The following EPB41L4A variants were observed in gnomAD, a reference collection of about 807,000 sequenced individuals.
The protein encoded by EPB41L4A is band 4.1-like protein 4A.
EPB41L4A carries 100 observed loss-of-function variants against 108.6 expected under a neutral mutation model. That is an observed-to-expected ratio of 0.92 (90% CI 0.78 to 1.09). The LOEUF (loss-of-function observed/expected upper bound fraction) is 1.09. Ranked by LOEUF, EPB41L4A falls within the 50% of genes least tolerant of loss-of-function variation. The pLI is 0.00. For synonymous variants in EPB41L4A, 319 were observed against 289.0 expected, an observed-to-expected ratio of 1.10 and a Z score of -1.05; for missense variants, 1,030 against 842.7, an observed-to-expected ratio of 1.22 and a Z score of -2.75.
At chr5:112,307,536 C>T in intron 1 of EPB41L4A, 46 bp from the exon 2 acceptor site, 2 of 1,260,348 alleles carry the variant, frequency 1.6e-6, no homozygotes, top group Non-Finnish European at 2.3e-6. Context: ...CCCTTTTGTT[C>T]CTAAGTAGTA....
chr5:112,148,221 AG>A (rs1321751936), intron 12 of EPB41L4A, among the ~76,000 whole-genome samples: 1,002 of 137,130 alleles, frequency 7.3e-3, no homozygotes, highest in African/African-American at 0.027. Context: ...AATATAGTTT[AG>A]TAGTATTACT....
At chr5:112,221,237 G>A (rs1023491755) in intron 12 of EPB41L4A, among the ~76,000 whole-genome samples, 1 of 152,162 alleles carries the variant, frequency 6.6e-6, no homozygotes, top group African/African-American at 2.4e-5. Flanking sequence ...ATCATGGACT[G>A]CCTCTAGCCA....
rs192822252 is a variant in EPB41L4A, at chr5:112,395,855, T to A, written c.99+23086A>T. Among the ~76,000 whole-genome samples, 3 of 152,282 alleles carry A rather than the reference T, an allele frequency of 2.0e-5. No individual in the cohort carries two copies. In the East Asian group the frequency reaches 5.8e-4, roughly 29 times the overall value. ...GACTTGGAACCAACCCAAATGTCCA[T>A]CAATGATAGACTGGATTAAGAAAAT... On this transcript the variant is annotated intron_variant, in intron 1 of 22. Transcript: ENST00000261486.
chr5:112,263,600 T>A (rs1362967709), intron 6 of EPB41L4A: 1 of 152,176 alleles, frequency 6.6e-6, no homozygotes, highest in Non-Finnish European at 1.5e-5. Context: ...CCCTTCCTAA[T>A]GTTATAACAA....
intron 2 of EPB41L4A, among the ~76,000 whole-genome samples, chr5:112,283,868 A>G (rs1233344851): frequency 6.6e-6 from 1 of 152,240 alleles, no homozygotes; most frequent in Non-Finnish European, 1.5e-5. Context: ...AAAATCATGT[A>G]CAAGGAAAAT....
intron 1 of EPB41L4A, among the ~76,000 whole-genome samples, chr5:112,364,671 T>C (rs1265494944): frequency 6.6e-6 from 1 of 152,230 alleles, no homozygotes; most frequent in Non-Finnish European, 1.5e-5. Context: ...TTATCTGATT[T>C]CTTTAAAAGG....
intron 16 of EPB41L4A, among the ~76,000 whole-genome samples, chr5:112,194,942 A>G (rs1018692558): frequency 7.2e-5 from 11 of 152,204 alleles, no homozygotes; most frequent in African/African-American, 2.7e-4. Context: ...GAACTCTGAC[A>G]TGGCAAAGCC....
Position 112,145,812 on chromosome 5 carries a change from TTCC to T in EPB41L4A, n.1112+66_1112+68del, listed in dbSNP as rs532038756. On this transcript the variant is annotated intron_variant and non_coding_transcript_variant, in intron 13 of 13. Transcript: ENST00000507810. ...AAGGCCAAGAACAACCCTAGACACA[TTCC>T]TCCATTTGATATCAATCTATTAAAT... 6.5e-4 allele frequency: 272 copies of T among 418,242 alleles called. 1 individual carries two copies. The highest frequency in any genetic ancestry group is 5.2e-3 in the African/African-American group (253 of 48,788). 25.9% of individuals were successfully genotyped at this position (418,242 alleles called of 1,614,324 possible).
intron 1 of EPB41L4A, among the ~76,000 whole-genome samples, chr5:112,374,962 T>C (rs1561620167): frequency 6.6e-6 from 1 of 152,164 alleles, no homozygotes; most frequent in South Asian, 2.1e-4. Flanking sequence ...AGGTTCTCTT[T>C]GTCTGCAGAG....
chr5:112,363,814 A>G (rs893157979), intron 1 of EPB41L4A: 3 of 152,226 alleles, frequency 2.0e-5, no homozygotes, highest in Non-Finnish European at 4.4e-5. Flanking sequence ...AGCGGTTTCT[A>G]TTAAAACTGT....
intron 18 of EPB41L4A, among the ~76,000 whole-genome samples, chr5:112,173,085 T>C (rs530630087): frequency 3.3e-5 from 5 of 152,344 alleles, no homozygotes; most frequent in African/African-American, 1.2e-4. Flanking sequence ...GGGTATGACC[T>C]AGGAATTAAG....
At chr5:112,279,880 A>G (rs1401064283) in intron 3 of EPB41L4A, among the ~76,000 whole-genome samples, 1 of 152,190 alleles carries the variant, frequency 6.6e-6, no homozygotes, top group East Asian at 1.9e-4. Flanking sequence ...AAACCATGCC[A>G]TAACCCAAGA....
intron 2 of EPB41L4A, among the ~76,000 whole-genome samples, chr5:112,281,092 C>G (rs2150508095): frequency 6.6e-6 from 1 of 152,306 alleles, no homozygotes; most frequent in South Asian, 2.1e-4. Flanking sequence ...CAACTGGACA[C>G]CACTGGACCT....
intron 3 of EPB41L4A, among the ~76,000 whole-genome samples, chr5:112,277,196 G>T (rs1207861362): frequency 6.6e-6 from 1 of 152,162 alleles, no homozygotes; most frequent in Non-Finnish European, 1.5e-5. Flanking sequence ...GTACCTAGGG[G>T]GCGGGGAGGA....
At chr5:112,311,087 C>A (rs1005708144) in intron 1 of EPB41L4A, among the ~76,000 whole-genome samples, 2 of 152,154 alleles carry the variant, frequency 1.3e-5, no homozygotes, top group Non-Finnish European at 2.9e-5. Context: ...TCTTGGCTCA[C>A]TGCAACCTCC....
intron 2 of EPB41L4A, among the ~76,000 whole-genome samples, chr5:112,297,432 T>A (rs978166302): frequency 6.6e-6 from 1 of 152,202 alleles, no homozygotes; most frequent in African/African-American, 2.4e-5. Context: ...ACCATTTGTA[T>A]ATCTTCTTTC....
intron 12 of EPB41L4A, among the ~76,000 whole-genome samples, chr5:112,156,458 TAGAGTC>T (rs1295958404): frequency 1.4e-4 from 22 of 151,818 alleles, no homozygotes; most frequent in Admixed American, 1.4e-3. Flanking sequence ...TTCCAGCTGA[TAGAGTC>T]AGGCAGACAG....
chr5:112,349,686 G>C (rs1395841540), intron 1 of EPB41L4A, among the ~76,000 whole-genome samples: 1 of 152,162 alleles, frequency 6.6e-6, no homozygotes, highest in African/African-American at 2.4e-5. Context: ...GCCCACCATG[G>C]GTGTGGTGAG....
intron 9 of EPB41L4A, among the ~76,000 whole-genome samples, chr5:112,251,034 T>G (rs1028238767): frequency 6.6e-6 from 1 of 152,194 alleles, no homozygotes; most frequent in African/African-American, 2.4e-5. Flanking sequence ...TTTGATCACA[T>G]GTCTAACAGT....
Sources: gnomAD v4.1 joint callset for allele counts (sites outside exome capture counted in the v4.1 genomes callset) on GRCh38, gnomAD v4.1.1 for gene constraint, MANE v1.5 for transcripts, NCBI Gene and HGNC (gene_info 2026-07-23, HGNC 2026-07-21) for gene names.